Variants in CTNNA1 observed in about 807,000 individuals in gnomAD.
CTNNA1 encodes catenin alpha 1.
Under a neutral mutation model 98.4 loss-of-function variants are expected in CTNNA1, and 37 were observed. The observed-to-expected ratio is 0.38, with a 90% CI of 0.29 to 0.49. The LOEUF (loss-of-function observed/expected upper bound fraction) is 0.49, where lower values mean the gene tolerates loss of function less well. CTNNA1 is among the 20% of genes least tolerant of loss of function. The probability of loss-of-function intolerance (pLI) is 0.95; values close to 1 mark genes in which losing one functional copy is unlikely to be tolerated. For missense variants in CTNNA1, 761 were observed against 1,147.2 expected (o/e 0.66, Z 4.86); for synonymous variants, 404 against 413.2 (o/e 0.98, Z 0.27).
chr5:138,895,594 T>C (rs1171045435), intron 9 of CTNNA1, among the ~76,000 whole-genome samples: 1 of 152,114 alleles, frequency 6.6e-6, no homozygotes, highest in Non-Finnish European at 1.5e-5. Context: ...GTAACAAAAT[T>C]CTTAAAATAA....
chr5:138,925,747 T>C (rs1294878390), intron 13 of CTNNA1, among the ~76,000 whole-genome samples: 2 of 152,208 alleles, frequency 1.3e-5, no homozygotes, highest in Non-Finnish European at 1.5e-5. Flanking sequence ...ATTTTCATAA[T>C]GCGGATTCAA....
At chr5:138,886,360 A>G in intron 8 of CTNNA1, 68 bp downstream of exon 8, 1 of 1,473,752 alleles carries the variant, frequency 6.8e-7, no homozygotes, top group Non-Finnish European at 9.2e-7. Context: ...TAAAATCCTA[A>G]TAAGCACTGG....
chr5:138,865,053 C>T (rs1208536838), intron 7 of CTNNA1, among the ~76,000 whole-genome samples: 1 of 152,110 alleles, frequency 6.6e-6, no homozygotes, highest in African/African-American at 2.4e-5. Context: ...ACCTCGTGAT[C>T]CACCCGCCTC....
chr5:138,801,276 G>A (rs1239865990), intron 3 of CTNNA1, among the ~76,000 whole-genome samples: 1 of 152,180 alleles, frequency 6.6e-6, no homozygotes, highest in Non-Finnish European at 1.5e-5. Flanking sequence ...GCCTGTGTTT[G>A]TGTGCATAAG....
chr5:138,812,292 A>G lies in CTNNA1; in HGVS notation c.578A>G (p.Lys193Arg). The G allele has an allele frequency of 6.2e-7, 1 of 1,613,424 alleles. No homozygotes were observed. The highest frequency in any genetic ancestry group is 1.3e-5 in the African/African-American group (1 of 74,996). Residue 193 changes from lysine to arginine, a missense_variant, in exon 5 of 18, where the codon AAA becomes AGA. Physicochemically the swap from Lys to Arg is conservative, Grantham distance 26 (BLOSUM62 2). Transcript: ENST00000302763. Reference sequence around the variant, plus strand: ...GATAAGCTGAACATTATGGCAGCCAAAAGACAACAGGTACAGTCATGATTT... The same window carrying G: ...GATAAGCTGAACATTATGGCAGCCAGAAGACAACAGGTACAGTCATGATTT... ...EVDKLNIMAA[K>R]RQQELKDVGH...
chr5:138,837,531 TC>T (rs551423044), intron 7 of CTNNA1, among the ~76,000 whole-genome samples: 1,286 of 89,270 alleles, frequency 0.014, 11 homozygotes, highest in Non-Finnish European at 0.02. Context: ...CTCCCTCTCC[TC>T]CCCCCCCTTT....
chr5:138,822,604 C>T (rs1387656422), intron 5 of CTNNA1, among the ~76,000 whole-genome samples: 2 of 152,146 alleles, frequency 1.3e-5, no homozygotes, highest in African/African-American at 2.4e-5. Flanking sequence ...ACATGTGCAC[C>T]AGCTGTTTAA....
chr5:138,828,687 C>T (rs1045347832), intron 7 of CTNNA1, among the ~76,000 whole-genome samples: 19 of 152,168 alleles, frequency 1.2e-4, no homozygotes, highest in African/African-American at 4.3e-4. Flanking sequence ...TGCCATACAT[C>T]TTGTCTGTTC....
intron 9 of CTNNA1, among the ~76,000 whole-genome samples, chr5:138,894,763 A>G (rs1185999918): frequency 6.6e-6 from 1 of 152,164 alleles, no homozygotes; most frequent in African/African-American, 2.4e-5. Flanking sequence ...TCAAAAATCC[A>G]GATTCTCAAC....
chr5:138,755,681 G>A (rs1439219777), intron 1 of CTNNA1, among the ~76,000 whole-genome samples: 3 of 152,060 alleles, frequency 2.0e-5, no homozygotes, highest in Non-Finnish European at 4.4e-5. Context: ...GAGTGCAGGT[G>A]TGTCTCCTGA....
chr5:138,848,263 C>G (rs746438556), intron 7 of CTNNA1, among the ~76,000 whole-genome samples: 1 of 152,242 alleles, frequency 6.6e-6, no homozygotes, highest in Non-Finnish European at 1.5e-5. Context: ...TGCCTATGCA[C>G]CCATCATGGT....
chr5:138,765,009 G>A (rs953997167), intron 1 of CTNNA1, among the ~76,000 whole-genome samples: 6 of 151,488 alleles, frequency 4.0e-5, no homozygotes, highest in African/African-American at 1.5e-4. Flanking sequence ...GAGTATCTGG[G>A]ATTACAGGTG....
chr5:138,809,685 T>C (rs187203043), intron 3 of CTNNA1, among the ~76,000 whole-genome samples: 1 of 152,312 alleles, frequency 6.6e-6, no homozygotes, highest in Admixed American at 6.5e-5. Flanking sequence ...TTATTAGATA[T>C]GTTTTTTCTC....
chr5:138,890,349 AT>A (rs34467234), intron 9 of CTNNA1, among the ~76,000 whole-genome samples: 48,648 of 151,962 alleles, frequency 0.32, 8,036 homozygotes, highest in African/African-American at 0.41. Context: ...CCCCAATAAG[AT>A]TTGCCTTCAC....
intron 1 of CTNNA1, among the ~76,000 whole-genome samples, chr5:138,764,994 C>T (rs1752770868): frequency 6.6e-6 from 1 of 151,264 alleles, no homozygotes; most frequent in Admixed American, 6.6e-5. Context: ...CTGCCTCAGC[C>T]TTCCGAGTAT....
intron 11 of CTNNA1, 125 bp from the exon 12 acceptor site, chr5:138,924,385 T>G: frequency 1.2e-6 from 1 of 822,240 alleles, no homozygotes; most frequent in Non-Finnish European, 2.0e-6. Flanking sequence ...TCCAATGAAG[T>G]ATATGTAAAA....
At chr5:138,819,489 G>A (rs1054653802) in intron 5 of CTNNA1, among the ~76,000 whole-genome samples, 22 of 152,126 alleles carry the variant, frequency 1.4e-4, no homozygotes, top group African/African-American at 4.6e-4. Context: ...GTACTATGTC[G>A]GCTCAGCCCT....
At position 138,925,418 on chromosome 5, in the gene CTNNA1, G is replaced by A. The variant is rs2150296159; in HGVS notation, c.1899+11G>A. On this transcript the variant is annotated intron_variant, in intron 13 of 17. Coordinates refer to ENST00000302763, the MANE Select transcript of CTNNA1 (RefSeq NM_001903.5). Reference sequence around the variant, plus strand: ...GTGCTGATGATAAGGGTGAGTAACTGCATTTCAGACGTCTTAACAGCTTCT... The same window carrying A: ...GTGCTGATGATAAGGGTGAGTAACTACATTTCAGACGTCTTAACAGCTTCT... The A allele has an allele frequency of 1.2e-6, 2 of 1,612,406 alleles. No homozygotes were observed. The highest frequency in any genetic ancestry group is 1.3e-5 in the African/African-American group (1 of 75,016).
chr5:138,768,135 C>T (rs1241308329), intron 1 of CTNNA1, among the ~76,000 whole-genome samples: 3 of 152,156 alleles, frequency 2.0e-5, no homozygotes, highest in Non-Finnish European at 2.9e-5. Context: ...ATATTGCATT[C>T]GATTGTCGTA....
Sources: gnomAD v4.1 joint callset for allele counts (sites outside exome capture counted in the v4.1 genomes callset) on GRCh38, gnomAD v4.1.1 for gene constraint, MANE v1.5 for transcripts, NCBI Gene and HGNC (gene_info 2026-07-23, HGNC 2026-07-21) for gene names.